The following ROBO2 variants were observed in gnomAD, a reference collection of about 807,000 sequenced individuals.
The protein encoded by ROBO2 is roundabout homolog 2.
A neutral mutation model predicts 160.8 loss-of-function variants in ROBO2; 53 were observed. That is an observed-to-expected ratio of 0.33 (90% CI 0.26 to 0.41). The LOEUF (loss-of-function observed/expected upper bound fraction) is 0.41, where lower values mean the gene tolerates loss of function less well. Among genes scored for constraint, ROBO2 ranks in the 10% least tolerant of loss-of-function variants. The pLI is 1.00. For synonymous variants in ROBO2, 664 were observed against 611.7 expected (o/e 1.09, Z -1.26); for missense variants, 1,577 against 1,722.4 (o/e 0.92, Z 1.49).
chr3:76,542,059 C>T (rs1358640202), intron 2 of ROBO2, among the ~76,000 whole-genome samples: 2 of 152,094 alleles, frequency 1.3e-5, no homozygotes, highest in Non-Finnish European at 2.9e-5. Context: ...GTACTTCATC[C>T]CCATTTGTCT....
Position 76,624,796 on chromosome 3 carries a change from C to CAAAAAAAAAAAA in ROBO2, c.110-473191_110-473180dup, listed in dbSNP as rs57920315. Among the ~76,000 whole-genome samples the CAAAAAAAAAAAA allele has an allele frequency of 1.0e-3, 48 of 46,324 alleles. 2 individuals carry two copies. Among genetic ancestry groups the CAAAAAAAAAAAA allele is most frequent in the Non-Finnish European group, 1.2e-3 (36 of 29,120 alleles). The allele number at this position is 46,324 out of a possible 152,430, so 30.4% of individuals were successfully genotyped here. A position where few individuals can be genotyped will look rare whatever the true frequency, so the allele number is the denominator to read the frequency against. On this transcript the variant is annotated intron_variant, in intron 2 of 26. Coordinates refer to the ROBO2 transcript ENST00000487694. The stretch of plus-strand genomic sequence containing the variant: ...TGAGTGACAGAGTGAGACTCCGTCT[C>CAAAAAAAAAAAA]AAAAAAAAAAAAAAAAAAAAAAAAA...
chr3:76,149,790 G>A (rs903001816), intron 2 of ROBO2, among the ~76,000 whole-genome samples: 6 of 138,970 alleles, frequency 4.3e-5, no homozygotes, highest in African/African-American at 1.6e-4. Context: ...CACATCATCA[G>A]TCTAAAACAC....
chr3:76,498,640 C>T (rs554080080), intron 2 of ROBO2, among the ~76,000 whole-genome samples: 2 of 150,360 alleles, frequency 1.3e-5, no homozygotes, highest in East Asian at 3.9e-4. Context: ...ACAAGCAATA[C>T]ATCTGTAACC....
intron 2 of ROBO2, among the ~76,000 whole-genome samples, chr3:76,889,237 C>A (rs577891351): frequency 6.6e-6 from 1 of 152,254 alleles, no homozygotes; most frequent in Admixed American, 6.5e-5. Context: ...GGCACAAAAG[C>A]TGATTTTTAA....
intron 2 of ROBO2, among the ~76,000 whole-genome samples, chr3:76,322,164 GTATATATA>G (rs200388202): frequency 0.016 from 1,680 of 108,064 alleles, 32 homozygotes; most frequent in Middle Eastern, 0.034. Flanking sequence ...TACTTCTTCC[GTATATATA>G]TATATATATA....
intron 2 of ROBO2, among the ~76,000 whole-genome samples, chr3:76,616,771 C>T (rs7617970): frequency 0.38 from 57,266 of 151,892 alleles, 11,005 homozygotes; most frequent in East Asian, 0.47. Context: ...AGAGACAGGC[C>T]CTTGCTATGT....
rs1223811070 is a variant in ROBO2 at position 76,217,985 on chromosome 3, T to C, written c.109+280383T>C. Among the ~76,000 whole-genome samples the C allele has an allele frequency of 4.6e-5, 7 of 152,232 alleles. No homozygotes were observed. The East Asian group carries it at 5.8e-4, about 13-fold the overall frequency. ...CACCATGATCAAGTGGGCTTCATCCTTGGGATGCAAGGCTGGTTCAACATA... is the reference window on the plus strand; with the variant it reads ...CACCATGATCAAGTGGGCTTCATCCCTGGGATGCAAGGCTGGTTCAACATA... On this transcript the variant is annotated intron_variant, in intron 2 of 26. Transcript: ENST00000487694.
chr3:77,453,635 A>C (rs940350932), intron 2 of ROBO2, among the ~76,000 whole-genome samples: 1 of 152,134 alleles, frequency 6.6e-6, no homozygotes, highest in African/African-American at 2.4e-5. Flanking sequence ...ATAGGAAAAA[A>C]GTATGTAAAA....
intron 2 of ROBO2, among the ~76,000 whole-genome samples, chr3:77,143,792 A>G (rs963403369): frequency 2.0e-5 from 3 of 151,706 alleles, no homozygotes; most frequent in African/African-American, 7.3e-5. Context: ...TCTGACATCC[A>G]TCATTTCTTG....
In ROBO2 at chr3:76,446,144, T is replaced by C. The variant is rs546371309; in HGVS notation, c.109+508542T>C. ...ATGATTGTACATTTAGAAAACCCCA[T>C]CGTCTCAGCCCAAAATCTCCTTAAT... is the stretch of plus-strand genomic sequence containing the variant. On this transcript the variant is annotated intron_variant, in intron 2 of 26. Coordinates refer to the ROBO2 transcript ENST00000487694. Among the ~76,000 whole-genome samples the C allele has an allele frequency of 7.1e-4, 108 of 152,274 alleles. 2 individuals are homozygous for C. Among genetic ancestry groups the C allele is most frequent in the Admixed American group, 6.9e-3 (106 of 15,298 alleles).
At chr3:76,605,351 G>T (rs973719442) in intron 2 of ROBO2, among the ~76,000 whole-genome samples, 1 of 151,508 alleles carries the variant, frequency 6.6e-6, no homozygotes, top group Admixed American at 6.6e-5. Context: ...TTAAACCCAG[G>T]TTTACATGTT....
At chr3:76,611,689 GATTTT>G (rs925391301) in intron 2 of ROBO2, among the ~76,000 whole-genome samples, 181 of 151,924 alleles carry the variant, frequency 1.2e-3, no homozygotes, top group African/African-American at 4.3e-3. Flanking sequence ...AAGTTTTGTC[GATTTT>G]ATTTATCTTT....
At chr3:76,203,585 C>A (rs13059597) in intron 2 of ROBO2, among the ~76,000 whole-genome samples, 110 of 130,596 alleles carry the variant, frequency 8.4e-4, no homozygotes, top group African/African-American at 1.4e-3. Context: ...GCCTCAGGCT[C>A]TCGGCTTCCC....
chr3:76,407,567 A>C (rs1429282288), intron 2 of ROBO2, among the ~76,000 whole-genome samples: 2 of 152,152 alleles, frequency 1.3e-5, no homozygotes, highest in South Asian at 2.1e-4. Flanking sequence ...CCATTACTGC[A>C]CACGTTTCTG....
chr3:76,459,320 T>G (rs571662461), intron 2 of ROBO2, among the ~76,000 whole-genome samples: 1 of 152,324 alleles, frequency 6.6e-6, no homozygotes, highest in East Asian at 1.9e-4. Flanking sequence ...TAGATGCAGA[T>G]GCAGACTTAT....
At chr3:77,207,177 CA>C (rs2083547351) in intron 2 of ROBO2, among the ~76,000 whole-genome samples, 1 of 152,118 alleles carries the variant, frequency 6.6e-6, no homozygotes, top group African/African-American at 2.4e-5. Flanking sequence ...TTGTTTTTCT[CA>C]CTTACCACTT....
intron 2 of ROBO2, among the ~76,000 whole-genome samples, chr3:77,295,003 GA>G (rs1467425874): frequency 1.3e-3 from 198 of 150,728 alleles, no homozygotes; most frequent in African/African-American, 4.7e-3. Context: ...CGGTTAAACG[GA>G]TAAGCTGAGG....
At chr3:76,502,214 A>G (rs1171606408) in intron 2 of ROBO2, among the ~76,000 whole-genome samples, 1 of 152,178 alleles carries the variant, frequency 6.6e-6, no homozygotes, top group African/African-American at 2.4e-5. Context: ...TTCTGCCTTA[A>G]TAGCTTTAAT....
chr3:77,252,190 G>T (rs1167535712), intron 2 of ROBO2, among the ~76,000 whole-genome samples: 1 of 152,030 alleles, frequency 6.6e-6, no homozygotes, highest in Non-Finnish European at 1.5e-5. Flanking sequence ...TCAAATTTTT[G>T]CAACTGTATA....
Sources: gnomAD v4.1 joint callset for allele counts (sites outside exome capture counted in the v4.1 genomes callset) on GRCh38, gnomAD v4.1.1 for gene constraint, MANE v1.5 for transcripts, NCBI Gene and HGNC (gene_info 2026-07-23, HGNC 2026-07-21) for gene names.